Variants in KDM1A observed in about 807,000 individuals in gnomAD.
KDM1A encodes the protein lysine-specific histone demethylase 1A.
Under a neutral mutation model 109.4 loss-of-function variants are expected in KDM1A, and 49 were observed. The observed-to-expected ratio is 0.45, with a 90% CI of 0.36 to 0.57. The LOEUF (loss-of-function observed/expected upper bound fraction) is 0.57. Among genes scored for constraint, KDM1A ranks in the 20% least tolerant of loss-of-function variants. The probability of loss-of-function intolerance (pLI) is 0.00; values close to 1 mark genes in which losing one functional copy is unlikely to be tolerated. For missense variants in KDM1A, 668 were observed against 1,116.6 expected (o/e 0.60, Z 5.73); for synonymous variants, 380 against 415.4 (o/e 0.91, Z 1.04).
At chr1:23,059,017 GT>G in intron 8 of KDM1A, 55 bp from the exon 9 acceptor site, 1 of 1,056,386 alleles carries the variant, frequency 9.5e-7, no homozygotes, top group Non-Finnish European at 1.4e-6. Flanking sequence ...TTACTTTAAG[GT>G]TTTTGTTCTC....
At chr1:23,063,354 A>C (rs1259744713) in intron 9 of KDM1A, among the ~76,000 whole-genome samples, 1 of 152,038 alleles carries the variant, frequency 6.6e-6, no homozygotes, top group Non-Finnish European at 1.5e-5. Context: ...AATGACAGAC[A>C]GCATGTGAAA....
At chr1:23,067,747 T>C (rs1313746083) in intron 10 of KDM1A, among the ~76,000 whole-genome samples, 1 of 152,220 alleles carries the variant, frequency 6.6e-6, no homozygotes, top group Non-Finnish European at 1.5e-5. Context: ...ACAGTTTACT[T>C]TGGGGCTGAA....
In KDM1A at chr1:23,059,137, A is replaced by G. The variant is rs1159479446; in HGVS notation, c.1137A>G (p.Lys379=). The G allele has an allele frequency of 1.9e-6, 3 of 1,613,208 alleles. No individual in the cohort carries two copies. Among genetic ancestry groups the G allele is most frequent in the Admixed American group, 3.3e-5 (2 of 59,858 alleles). ...TGGAACTGGCCAAGATCAAGCAAAA[A>G]TGCCCACTTTATGAAGCCAACGGAC... ...VNMELAKIKQ[K]CPLYEANGQA... The change falls in exon 9 of 21, where the codon AAA becomes AAG. Residue 379 remains lysine (K), a synonymous_variant. Coordinates refer to ENST00000400181, the MANE Select transcript of KDM1A (RefSeq NM_001009999.3).
chr1:23,063,199 G>GGC (rs1204393258), intron 9 of KDM1A, among the ~76,000 whole-genome samples: 2 of 76,714 alleles, frequency 2.6e-5, no homozygotes, highest in African/African-American at 1.1e-4. Flanking sequence ...GTAGCATTGG[G>GGC]GGGGGGGTGT....
chr1:23,067,044 C>A (rs548646173), intron 10 of KDM1A, among the ~76,000 whole-genome samples: 1 of 152,262 alleles, frequency 6.6e-6, no homozygotes, highest in South Asian at 2.1e-4. Flanking sequence ...AGTAGTAGAT[C>A]ACAGGTTTTT....
intron 9 of KDM1A, among the ~76,000 whole-genome samples, chr1:23,063,869 C>CGTT (rs1643089455): frequency 6.6e-6 from 1 of 152,110 alleles, no homozygotes; most frequent in African/African-American, 2.4e-5. Flanking sequence ...GGGAAGACAA[C>CGTT]AGTCTCTATA....
At position 23,055,134 on chromosome 1, in the gene KDM1A, A is replaced by T. The variant is rs1642789618; in HGVS notation, c.856A>T (p.Ile286Phe). Residue 286 changes from isoleucine (I) to phenylalanine (F), a missense_variant, in exon 6 of 21, where the codon ATC (isoleucine) becomes TTC (phenylalanine). By Grantham distance (21) the Ile-to-Phe change is conservative (BLOSUM62 0). Coordinates refer to ENST00000400181, the MANE Select transcript of KDM1A (RefSeq NM_001009999.3). Reference sequence around the variant, plus strand: ...GCGTCATGGTCTTATCAACTTCGGCATCTATAAGAGGATAAAACCCCTACC... The same window carrying T: ...GCGTCATGGTCTTATCAACTTCGGCTTCTATAAGAGGATAAAACCCCTACC... The part of the protein sequence containing the change: ...LERHGLINFG[I>F]YKRIKPLPTK... 1.9e-6 allele frequency: 3 copies of T among 1,611,824 alleles called. No individual in the cohort carries two copies. The highest frequency in any genetic ancestry group is 1.7e-6 in the Non-Finnish European group (2 of 1,179,224).
chr1:23,058,802 C>T (rs906457879), intron 8 of KDM1A, among the ~76,000 whole-genome samples: 5 of 152,208 alleles, frequency 3.3e-5, no homozygotes, highest in East Asian at 1.9e-4. Context: ...TAAAACAATA[C>T]GTATTATGAT....
intron 4 of KDM1A, among the ~76,000 whole-genome samples, chr1:23,051,220 C>T (rs965505138): frequency 1.3e-5 from 2 of 152,224 alleles, no homozygotes; most frequent in African/African-American, 4.8e-5. Context: ...GATTTAACTT[C>T]AGTGTCTGCA....
chr1:23,073,094 G>A (rs1275178840), intron 14 of KDM1A, among the ~76,000 whole-genome samples, 198 bp from the exon 15 acceptor site: 1 of 150,698 alleles, frequency 6.6e-6, no homozygotes, highest in Non-Finnish European at 1.5e-5. Flanking sequence ...GCTTTACGTA[G>A]TGAGCTTGGC....
chr1:23,032,926 G>A (rs1303229017), intron 2 of KDM1A, among the ~76,000 whole-genome samples: 2 of 152,190 alleles, frequency 1.3e-5, no homozygotes, highest in East Asian at 3.9e-4. Flanking sequence ...TGGAGACGGA[G>A]TCTCGCTCTG....
chr1:23,078,941 T>C (rs1340195069), intron 16 of KDM1A, 49 bp from the exon 17 acceptor site: 7 of 1,475,400 alleles, frequency 4.7e-6, no homozygotes, highest in Non-Finnish European at 3.7e-6. Flanking sequence ...AGTGTCCTTA[T>C]CAGTGCCATA....
intron 7 of KDM1A, among the ~76,000 whole-genome samples, chr1:23,056,689 C>T (rs1642839315): frequency 6.6e-6 from 1 of 151,086 alleles, no homozygotes; most frequent in South Asian, 2.1e-4. Context: ...ATTTAGAAAA[C>T]ATCTTTGTGC....
chr1:23,062,396 A>G (rs1373844969), intron 9 of KDM1A, among the ~76,000 whole-genome samples: 2 of 152,208 alleles, frequency 1.3e-5, no homozygotes, highest in African/African-American at 4.8e-5. Flanking sequence ...CTTGGATGAA[A>G]TGGGGTTCTG....
Position 23,083,677 on chromosome 1 carries a change from T to G in KDM1A, c.*313T>G, listed in dbSNP as rs1643691012. ...TTTTTTATATTTTGAGAATAAAACT[T>G]CATATAAAATTGGCCCTCTCTTTTG... On this transcript the variant is annotated 3_prime_UTR_variant, in exon 21 of 21. Coordinates refer to ENST00000400181, the MANE Select transcript of KDM1A (RefSeq NM_001009999.3). The G allele has an allele frequency of 4.9e-6, 1 of 203,420 alleles. No homozygotes were observed. The allele number at this position is 203,420 out of a possible 1,614,324, so 12.6% of individuals were successfully genotyped here. A position where few individuals can be genotyped will look rare whatever the true frequency, so the allele number is the denominator to read the frequency against.
At chr1:23,056,338 G>C (rs1569745865) in intron 7 of KDM1A, among the ~76,000 whole-genome samples, 1 of 151,906 alleles carries the variant, frequency 6.6e-6, no homozygotes, top group Non-Finnish European at 1.5e-5. Flanking sequence ...TCCTTTGTTA[G>C]GAGGCAGTTA....
chr1:23,071,986 C>T (rs1415507258), intron 13 of KDM1A, 138 bp from the exon 14 acceptor site: 1 of 602,094 alleles, frequency 1.7e-6, no homozygotes, highest in Admixed American at 3.1e-5. Context: ...CTATCTAACC[C>T]CAGCCTAAAA....
chr1:23,060,816 G>A (rs1156634309), intron 9 of KDM1A, among the ~76,000 whole-genome samples: 1 of 152,102 alleles, frequency 6.6e-6, no homozygotes. Flanking sequence ...GAGAACAGGG[G>A]AAATGACACG....
At chr1:23,057,442 A>T in intron 7 of KDM1A, 42 bp from the exon 8 acceptor site, 1 of 1,499,498 alleles carries the variant, frequency 6.7e-7, no homozygotes, top group Non-Finnish European at 9.3e-7. Flanking sequence ...GTTTGTGGTT[A>T]AAACAGAATT....
Sources: allele counts gnomAD v4.1 joint callset (sites outside exome capture counted in the v4.1 genomes callset), GRCh38; gene constraint gnomAD v4.1.1; transcripts MANE v1.5; gene names NCBI Gene and HGNC (gene_info 2026-07-23, HGNC 2026-07-21).